The following SNF8 variants were observed in gnomAD, a reference collection of about 807,000 sequenced individuals.
SNF8 encodes vacuolar-sorting protein SNF8.
SNF8 carries 19 observed loss-of-function variants against 36.8 expected under a neutral mutation model. The ratio of observed to expected loss-of-function variants is 0.52; its 90% confidence interval spans 0.36 to 0.76. The LOEUF is 0.76. SNF8 is among the 30% of genes least tolerant of loss of function. The pLI, the probability that SNF8 is intolerant of heterozygous loss-of-function variation, is 0.00. For missense variants in SNF8, 268 were observed against 322.9 expected (o/e 0.83, Z 1.30); for synonymous variants, 127 against 127.4 (o/e 1.00, Z 0.02).
chr17:48,933,181 A>C, intron 6 of SNF8, 24 bp downstream of exon 6: 1 of 1,611,422 alleles, frequency 6.2e-7, no homozygotes, highest in Non-Finnish European at 8.5e-7. Flanking sequence ...TTGCACACAC[A>C]CACACTCGAA....
intron 2 of SNF8, among the ~76,000 whole-genome samples, chr17:48,942,281 G>A (rs1174369649): frequency 6.7e-6 from 1 of 150,326 alleles, no homozygotes; most frequent in East Asian, 2.0e-4. Context: ...AGGTTGCAGT[G>A]AGCCAAGATC....
chr17:48,937,147 C>A (rs1455372932), intron 3 of SNF8, 23 bp from the exon 4 acceptor site: 1 of 1,540,112 alleles, frequency 6.5e-7, no homozygotes, highest in East Asian at 2.2e-5. Flanking sequence ...AAAACAAAAT[C>A]TCGGTTATTG....
At position 48,944,770 on chromosome 17, in the gene SNF8, G is replaced by C; in HGVS notation, c.-36C>G. The C allele has an allele frequency of 1.3e-6, 2 of 1,582,214 alleles. No individual in the cohort carries two copies. The highest frequency in any genetic ancestry group is 1.7e-6 in the Non-Finnish European group (2 of 1,169,494). The stretch of plus-strand genomic sequence containing the variant: ...GGCCCGCGGGCCGCCCGGCTGCCGG[G>C]ACCCCGGGTCTCCACGTCCCGGACT... On this transcript the variant is annotated 5_prime_UTR_variant, in exon 1 of 8. Transcript: ENST00000502492.
chr17:48,930,934 C>G (rs2040849133), intron 7 of SNF8, among the ~76,000 whole-genome samples: 1 of 152,164 alleles, frequency 6.6e-6, no homozygotes, highest in Non-Finnish European at 1.5e-5. Flanking sequence ...TCCATTTTCC[C>G]AGAAACTGTT....
At chr17:48,932,792 AT>A (rs1408561313) in intron 6 of SNF8, 1 of 158,954 alleles carries the variant, frequency 6.3e-6, no homozygotes, top group Non-Finnish European at 1.4e-5. Flanking sequence ...CCTGATGGGG[AT>A]TTGGGGGAAG....
chr17:48,942,944 C>A (rs1222708465), intron 2 of SNF8, among the ~76,000 whole-genome samples: 1 of 146,890 alleles, frequency 6.8e-6, no homozygotes, highest in South Asian at 2.1e-4. Flanking sequence ...TGGCTCACTG[C>A]AACCTCTGTC....
rs1378037463 is a variant in SNF8 at position 48,929,502 on chromosome 17, C to T, written c.*973G>A. 6.6e-6 allele frequency: 1 copy of T among 152,172 alleles called. No homozygotes were observed. The highest frequency in any genetic ancestry group is 1.5e-5 in the Non-Finnish European group (1 of 68,038). The allele number at this position is 152,172 out of a possible 1,614,324, so 9.4% of individuals were successfully genotyped here. A position where few individuals can be genotyped will look rare whatever the true frequency, so the allele number is the denominator to read the frequency against. The stretch of plus-strand genomic sequence containing the variant: ...AGGACTTTGGGAGCCTTAAACAACT[C>T]TGGCCTCTTCCCTCATCACCACTTC... On this transcript the variant is annotated 3_prime_UTR_variant, in exon 8 of 8. Transcript: ENST00000502492.
chr17:48,933,447 G>T, intron 5 of SNF8, 101 bp from the exon 6 acceptor site: 2 of 1,354,624 alleles, frequency 1.5e-6, no homozygotes, highest in Non-Finnish European at 2.1e-6. Flanking sequence ...AAATTTAGAA[G>T]ACTGCACAAC....
In SNF8 at chr17:48,930,424, T is replaced by G. The variant is rs1462752376; in HGVS notation, c.*51A>C. On this transcript the variant is annotated 3_prime_UTR_variant, in exon 8 of 8. Coordinates refer to ENST00000502492, the MANE Select transcript of SNF8 (RefSeq NM_007241.4). ...ATAAACAAAATTGCCCAGGTTTATT[T>G]GCCACCTCCGCCTCCTCCCTGCCTG... is the stretch of plus-strand genomic sequence containing the variant. 16 of 1,443,894 alleles carry G rather than the reference T, an allele frequency of 1.1e-5. No individual in the cohort carries two copies. The highest frequency in any genetic ancestry group is 1.5e-5 in the Non-Finnish European group (16 of 1,088,506). The allele number at this position is 1,443,894 out of a possible 1,614,324, so 89.4% of individuals were successfully genotyped here.
At chr17:48,935,248 A>T (rs1164581950) in intron 5 of SNF8, among the ~76,000 whole-genome samples, 1 of 151,952 alleles carries the variant, frequency 6.6e-6, no homozygotes, top group African/African-American at 2.4e-5. Context: ...GCGCGGTGGC[A>T]GACACCTGTA....
intron 2 of SNF8, among the ~76,000 whole-genome samples, chr17:48,942,261 T>G (rs1306291754): frequency 6.6e-6 from 1 of 151,272 alleles, no homozygotes; most frequent in Non-Finnish European, 1.5e-5. Context: ...ACCTCCACAT[T>G]CTTAGGCGGA....
intron 2 of SNF8, among the ~76,000 whole-genome samples, chr17:48,943,198 G>T (rs538325417): frequency 6.6e-6 from 1 of 151,830 alleles, no homozygotes; most frequent in Non-Finnish European, 1.5e-5. Context: ...GGCCGGGCGC[G>T]GTGGCTCACG....
At position 48,930,375 on chromosome 17, in the gene SNF8, TG is replaced by T; in HGVS notation, c.*99del. ...AAGAATGAGGGAAGAAAGAAAAACT[TG>T]GAACTTTTTTTCTATTTTTTGTATA... On this transcript the variant is annotated 3_prime_UTR_variant, in exon 8 of 8. Transcript: ENST00000502492. 7.8e-7 allele frequency: 1 copy of T among 1,285,064 alleles called. No homozygotes were observed. Among genetic ancestry groups the T allele is most frequent in the Non-Finnish European group, 1.0e-6 (1 of 986,482 alleles). The allele number at this position is 1,285,064 out of a possible 1,614,324, so 79.6% of individuals were successfully genotyped here. A position where few individuals can be genotyped will look rare whatever the true frequency, so the allele number is the denominator to read the frequency against.
At chr17:48,934,171 A>G (rs2040901131) in intron 5 of SNF8, among the ~76,000 whole-genome samples, 1 of 152,206 alleles carries the variant, frequency 6.6e-6, no homozygotes, top group Admixed American at 6.5e-5. Context: ...TATCACCCAA[A>G]CAGCCAGGGA....
chr17:48,930,467 AC>A lies in SNF8; in HGVS notation c.*7del. Reference sequence around the variant, plus strand: ...CCTGCCTGCTGCTGTGTGCCCTTCCACATGCAGTCAGGGGAGGGCTTCTCTG... The same window carrying A: ...CCTGCCTGCTGCTGTGTGCCCTTCCAATGCAGTCAGGGGAGGGCTTCTCTG... On this transcript the variant is annotated 3_prime_UTR_variant, in exon 8 of 8. Transcript: ENST00000502492. 2 of 1,588,830 alleles carry A rather than the reference AC, an allele frequency of 1.3e-6. No homozygotes were observed. The highest frequency in any genetic ancestry group is 1.7e-6 in the Non-Finnish European group (2 of 1,165,236).
At chr17:48,935,196 C>A (rs1411893949) in intron 5 of SNF8, among the ~76,000 whole-genome samples, 1 of 151,968 alleles carries the variant, frequency 6.6e-6, no homozygotes, top group Non-Finnish European at 1.5e-5. Flanking sequence ...CAACGTGAAA[C>A]CCCATCACTA....
chr17:48,943,706 TAGAC>T (rs1264529533), intron 2 of SNF8, among the ~76,000 whole-genome samples: 1 of 152,098 alleles, frequency 6.6e-6, no homozygotes, highest in Non-Finnish European at 1.5e-5. Flanking sequence ...GTAAAGAAAA[TAGAC>T]AAATGCCTGG....
intron 5 of SNF8, among the ~76,000 whole-genome samples, chr17:48,935,075 CTATA>C (rs1180155127): frequency 6.6e-6 from 1 of 152,144 alleles, no homozygotes; most frequent in Non-Finnish European, 1.5e-5. Context: ...AATCTCACGA[CTATA>C]TACAGCCCTG....
At chr17:48,935,242 G>A (rs1475324291) in intron 5 of SNF8, among the ~76,000 whole-genome samples, 11 of 152,106 alleles carry the variant, frequency 7.2e-5, no homozygotes, top group Non-Finnish European at 1.0e-4. Context: ...GGCCAGGCGC[G>A]GTGGCAGACA....
Sources: gnomAD v4.1 joint callset for allele counts (sites outside exome capture counted in the v4.1 genomes callset) on GRCh38, gnomAD v4.1.1 for gene constraint, MANE v1.5 for transcripts, NCBI Gene and HGNC (gene_info 2026-07-23, HGNC 2026-07-21) for gene names.